The following IMMP2L variants were observed in gnomAD, a reference collection of about 807,000 sequenced individuals.
IMMP2L encodes the protein inner mitochondrial membrane peptidase subunit 2.
In IMMP2L, 18 loss-of-function variants were observed where a neutral mutation model predicts 19.3. The ratio of observed to expected loss-of-function variants is 0.93; its 90% CI spans 0.64 to 1.38. The LOEUF is 1.38. Among genes scored for constraint, IMMP2L ranks in the 40% most tolerant of loss-of-function variants. The pLI is 0.00. For synonymous variants in IMMP2L, 76 were observed against 73.0 expected (o/e 1.04, Z -0.21); for missense variants, 233 against 218.2 (o/e 1.07, Z -0.43).
intron 3 of IMMP2L, among the ~76,000 whole-genome samples, chr7:111,009,795 G>A (rs1048478756): frequency 3.9e-5 from 6 of 152,096 alleles, no homozygotes; most frequent in African/African-American, 7.2e-5. Context: ...TGGATTTTGG[G>A]TTCTCTGAGT....
chr7:111,297,511 A>C (rs1403243812), intron 3 of IMMP2L, among the ~76,000 whole-genome samples: 2 of 152,164 alleles, frequency 1.3e-5, no homozygotes, highest in African/African-American at 4.8e-5. Flanking sequence ...GCAGTTTTAG[A>C]AATAAAGTTA....
intron 5 of IMMP2L, among the ~76,000 whole-genome samples, chr7:110,747,120 C>T (rs1207755842): frequency 1.3e-5 from 2 of 152,248 alleles, no homozygotes; most frequent in Non-Finnish European, 2.9e-5. Context: ...ATACTATAAA[C>T]ACCTCTACAC....
intron 3 of IMMP2L, among the ~76,000 whole-genome samples, chr7:111,459,266 T>C (rs1839938289): frequency 6.6e-6 from 1 of 152,080 alleles, no homozygotes; most frequent in African/African-American, 2.4e-5. Flanking sequence ...AGTCCAGAAG[T>C]GAAATTAATG....
chr7:111,229,129 T>C (rs1048959542), intron 3 of IMMP2L, among the ~76,000 whole-genome samples: 1 of 152,012 alleles, frequency 6.6e-6, no homozygotes, highest in Non-Finnish European at 1.5e-5. Flanking sequence ...CATCCAGTTC[T>C]ACGCGGTTGC....
intron 5 of IMMP2L, among the ~76,000 whole-genome samples, chr7:110,762,228 C>A (rs1054244782): frequency 5.9e-5 from 9 of 151,924 alleles, no homozygotes; most frequent in African/African-American, 1.2e-4. Flanking sequence ...AAAGAGACTT[C>A]TGGTAAATGT....
intron 4 of IMMP2L, among the ~76,000 whole-genome samples, chr7:110,910,447 T>G (rs927268153): frequency 6.6e-6 from 1 of 152,186 alleles, no homozygotes; most frequent in Non-Finnish European, 1.5e-5. Context: ...TGTGGTCAAA[T>G]GCAGTGCCAG....
chr7:111,486,021 C>T (rs886632371), intron 3 of IMMP2L, among the ~76,000 whole-genome samples: 2 of 152,102 alleles, frequency 1.3e-5, no homozygotes, highest in African/African-American at 4.8e-5. Flanking sequence ...ATATGACAGG[C>T]TAACCCAGCA....
intron 3 of IMMP2L, 96 bp from the exon 4 acceptor site, chr7:110,963,661 CTT>C (rs1465284601): frequency 4.6e-6 from 3 of 647,320 alleles, no homozygotes; most frequent in Non-Finnish European, 7.6e-6. Context: ...ATATTAAAGT[CTT>C]TACAGATTCC....
rs181443497 is a variant in IMMP2L at position 110,684,800 on chromosome 7, C to A, written c.409-21079G>T. 1.6e-4 allele frequency among the ~76,000 whole-genome samples: 24 copies of A among 152,110 alleles called. No homozygotes were observed. The East Asian group carries it at 4.7e-3, about 30-fold the overall frequency. ...AAACTGTCACCAATCCATTTCCCTA[C>A]CAAAGTGGAATGGAACAAGATATGC... On this transcript the variant is annotated intron_variant, in intron 5 of 5. Transcript: ENST00000405709.
chr7:111,371,196 T>C (rs755938157), intron 3 of IMMP2L, among the ~76,000 whole-genome samples: 2 of 151,962 alleles, frequency 1.3e-5, no homozygotes, highest in Non-Finnish European at 2.9e-5. Context: ...TCTTCCATGC[T>C]TGGACTCTTC....
At chr7:111,081,524 A>G (rs1440257613) in intron 3 of IMMP2L, among the ~76,000 whole-genome samples, 3 of 152,238 alleles carry the variant, frequency 2.0e-5, no homozygotes, top group African/African-American at 4.8e-5. Context: ...TCCTTAGTGC[A>G]GTGCTAAAGC....
rs1347848073 is a variant in IMMP2L, at chr7:111,180,434, T to C, written c.240-216869A>G. ...GTAGTCAGAACCACACATTTGTCAA[T>C]TCAACTTGCCATCTTACATGGGTGA... On this transcript the variant is annotated intron_variant, in intron 3 of 5. Transcript: ENST00000405709. Among the ~76,000 whole-genome samples, 4 of 151,990 alleles carry C rather than the reference T, an allele frequency of 2.6e-5. 1 individual carries two copies. The highest frequency in any genetic ancestry group is 9.7e-5 in the African/African-American group (4 of 41,380).
chr7:111,455,704 GC>G, intron 3 of IMMP2L, among the ~76,000 whole-genome samples: 1 of 120,764 alleles, frequency 8.3e-6, no homozygotes, highest in Non-Finnish European at 1.7e-5. Flanking sequence ...CCACTGTTCT[GC>G]CCCATGCCTC....
At chr7:111,211,524 CAA>C (rs1216520545) in intron 3 of IMMP2L, among the ~76,000 whole-genome samples, 3 of 152,126 alleles carry the variant, frequency 2.0e-5, no homozygotes, top group African/African-American at 7.2e-5. Flanking sequence ...CTGTAAGAAA[CAA>C]GGACCCTGAG....
chr7:110,885,363 G>C (rs779841311), intron 5 of IMMP2L, among the ~76,000 whole-genome samples: 1 of 151,632 alleles, frequency 6.6e-6, no homozygotes, highest in African/African-American at 2.4e-5. Context: ...TTATATATAC[G>C]TTAAAAAGTA....
intron 3 of IMMP2L, among the ~76,000 whole-genome samples, chr7:111,065,224 T>C (rs1286816569): frequency 6.6e-6 from 1 of 152,256 alleles, no homozygotes; most frequent in Non-Finnish European, 1.5e-5. Flanking sequence ...TCCTTTATCA[T>C]GTGACATAAG....
In IMMP2L at chr7:110,691,230, A is replaced by C. The variant is rs77238675; in HGVS notation, c.409-27509T>G. On this transcript the variant is annotated intron_variant, in intron 5 of 5. Transcript: ENST00000405709. Reference sequence around the variant, plus strand: ...ACATAAATTGGGGAAAGGACACCCTATGTCATAAGTGGTGCTAAGAAAACT... The same window carrying C: ...ACATAAATTGGGGAAAGGACACCCTCTGTCATAAGTGGTGCTAAGAAAACT... Among the ~76,000 whole-genome samples, 268 of 152,246 alleles carry C rather than the reference A, an allele frequency of 1.8e-3. 1 individual carries two copies. The highest frequency in any genetic ancestry group is 3.3e-3 in the Non-Finnish European group (225 of 67,978).
At chr7:111,031,241 C>A (rs1790776517) in intron 3 of IMMP2L, among the ~76,000 whole-genome samples, 1 of 151,886 alleles carries the variant, frequency 6.6e-6, no homozygotes. Flanking sequence ...TACCTAGTGC[C>A]CAGACCTTGG....
chr7:111,150,386 C>A (rs919617712), intron 3 of IMMP2L, among the ~76,000 whole-genome samples: 5 of 152,076 alleles, frequency 3.3e-5, no homozygotes, highest in African/African-American at 1.2e-4. Flanking sequence ...CCACTACAGG[C>A]AAATGAACTT....
Sources: allele counts gnomAD v4.1 joint callset (sites outside exome capture counted in the v4.1 genomes callset), GRCh38; gene constraint gnomAD v4.1.1; transcripts MANE v1.5; gene names NCBI Gene and HGNC (gene_info 2026-07-23, HGNC 2026-07-21).